The following KHSRP variants were observed in gnomAD, a reference collection of about 807,000 sequenced individuals.
KHSRP encodes far upstream element-binding protein 2.
In KHSRP, 13 loss-of-function variants were observed where a neutral mutation model predicts 94.9. That is an observed-to-expected ratio of 0.14 (90% confidence interval 0.09 to 0.22). The LOEUF (loss-of-function observed/expected upper bound fraction) is 0.22. KHSRP is among the 10% of genes least tolerant of loss of function. KHSRP has a pLI of 1.00. For synonymous variants in KHSRP, 495 were observed against 401.4 expected (o/e 1.23, Z -2.79); for missense variants, 710 against 1,010.0 (o/e 0.70, Z 4.03).
In KHSRP at chr19:6,421,681, C is replaced by T. The variant is rs369390237; in HGVS notation, c.354G>A (p.Pro118=). ...CCTGGGAAGCCAGCTTCTTGCTCTCCGGTTGATCTGGGAAAGAGAGAGGAT... is the reference window on the plus strand; with the variant it reads ...CCTGGGAAGCCAGCTTCTTGCTCTCTGGTTGATCTGGGAAAGAGAGAGGAT... ...QKRQLEDGDQ[P]ESKKLASQGD... is the part of the protein sequence containing the mutation. The change falls in exon 3 of 19, where the codon CCG becomes CCA. Residue 118 remains proline, a synonymous_variant. Coordinates refer to ENST00000600480, the MANE Select transcript of KHSRP (RefSeq NM_001366299.1). 1.7e-5 allele frequency: 28 copies of T among 1,613,782 alleles called. 1 individual carries two copies. The highest frequency in any genetic ancestry group is 1.6e-4 in the Middle Eastern group (1 of 6,084).
intron 1 of KHSRP, among the ~76,000 whole-genome samples, chr19:6,423,059 C>G (rs1037282159): frequency 1.3e-5 from 2 of 152,204 alleles, no homozygotes; most frequent in African/African-American, 4.8e-5. Context: ...GCGGGCAGAT[C>G]ACTTGAACTC....
In KHSRP at chr19:6,418,029, G is replaced by A. The variant is rs1157293560; in HGVS notation, c.930C>T (p.Gly310=). The A allele has an allele frequency of 6.2e-7, 1 of 1,613,980 alleles. No individual in the cohort carries two copies. Among genetic ancestry groups the A allele is most frequent in the Admixed American group, 1.7e-5 (1 of 60,016 alleles). The change falls in exon 10 of 19, where the codon GGC becomes GGT. Residue 310 remains glycine (G), a synonymous_variant. Coordinates refer to ENST00000600480, the MANE Select transcript of KHSRP (RefSeq NM_001366299.1). The surrounding 1 kb of genome is among the most constrained non-coding windows in gnomAD (Gnocchi z 4.3). ...ATCCGTACTCATTCCGGTCCCCAAA[G>A]CCGCCTTGGTCACGTTCCCGGAGGA... ...MDILRERDQG[G]FGDRNEYGSR...
chr19:6,419,099 T>C (rs2092177639), intron 7 of KHSRP, 104 bp downstream of exon 7: 1 of 1,222,388 alleles, frequency 8.2e-7, no homozygotes, highest in Non-Finnish European at 1.2e-6. Flanking sequence ...GGGGCAAGAA[T>C]GGAGGACATG....
chr19:6,423,140 G>A (rs1313042016), intron 1 of KHSRP, among the ~76,000 whole-genome samples: 1 of 152,176 alleles, frequency 6.6e-6, no homozygotes, highest in African/African-American at 2.4e-5. Context: ...TTAGCTGGGT[G>A]TGGTGGTGCA....
chr19:6,418,835 C>G lies in KHSRP; in HGVS notation c.647G>C (p.Arg216Pro). 2 of 1,558,784 alleles carry G rather than the reference C, an allele frequency of 1.3e-6. No individual in the cohort carries two copies. Among genetic ancestry groups the G allele is most frequent in the Non-Finnish European group, 1.7e-6 (2 of 1,158,184 alleles). The stretch of plus-strand genomic sequence containing the variant: ...GTGGAACTGTCCTGGGGGGCCCCCA[C>G]GACCCCGAGACACAATGTCATCCAG... The part of the protein sequence containing the change: ...MMLDDIVSRG[R>P]GGPPGQFHDN... The change falls in exon 8 of 19, where the codon CGT (arginine) becomes CCT (proline). Residue 216 changes from arginine (R) to proline (P), a missense_variant. This residue lies in a region of KHSRP where 288 missense variants were observed against 501.1 expected (regional missense o/e 0.57). Transcript: ENST00000600480. This position sits in a 1 kb window ranked among gnomAD's most constrained non-coding sequence, Gnocchi z 4.3.
At position 6,420,672 on chromosome 19, in the gene KHSRP, G is replaced by T. The variant is rs143508822; in HGVS notation, c.426-201C>A. Among the ~76,000 whole-genome samples, 967 of 152,366 alleles carry T rather than the reference G, an allele frequency of 6.3e-3. 46 individuals carry two copies. The highest frequency in any genetic ancestry group is 0.056 in the Admixed American group (861 of 15,304). On this transcript the variant is annotated intron_variant, in intron 4 of 18. Transcript: ENST00000600480. ...GCATTGTGGGCCTTGGCCTGGTGCC[G>T]TCCCATTGATTCAGGGCGAGAGGGA...
In KHSRP at chr19:6,424,317, G is replaced by A. The variant is rs937523917; in HGVS notation, c.249+136C>T. Reference sequence around the variant, plus strand: ...GGCGCAGCGGGAGGGCCAGGCCCCCGCCTACCGCCCACGTGACCCCGCGAC... The same window carrying A: ...GGCGCAGCGGGAGGGCCAGGCCCCCACCTACCGCCCACGTGACCCCGCGAC... On this transcript the variant is annotated intron_variant, in intron 1 of 18. Coordinates refer to ENST00000600480, the MANE Select transcript of KHSRP (RefSeq NM_001366299.1). 7 of 232,646 alleles carry A rather than the reference G, an allele frequency of 3.0e-5. No individual in the cohort carries two copies. In the East Asian group the frequency reaches 1.3e-3, roughly 44 times the overall value. The allele number at this position is 232,646 out of a possible 1,614,324, so 14.4% of individuals were successfully genotyped here.
Position 6,414,895 on chromosome 19 carries a change from G to A in KHSRP, c.*129C>T, listed in dbSNP as rs2092131390. On this transcript the variant is annotated 3_prime_UTR_variant, in exon 19 of 19. Transcript: ENST00000600480. ...CTCAGCGCTCCCCAGCATCACGACA[G>A]CGGCACACAGGAACAAGCAGCCGGC... The A allele has an allele frequency of 5.1e-6, 7 of 1,377,454 alleles. No individual in the cohort carries two copies. The highest frequency in any genetic ancestry group is 6.5e-6 in the Non-Finnish European group (7 of 1,069,942). The allele number at this position is 1,377,454 out of a possible 1,614,324, so 85.3% of individuals were successfully genotyped here. A position where few individuals can be genotyped will look rare whatever the true frequency, so the allele number is the denominator to read the frequency against.
At position 6,421,245 on chromosome 19, in the gene KHSRP, C is replaced by T. The variant is rs532676671; in HGVS notation, c.425+33G>A. ...AAAGGCCAGTCTGCTGGCCAACAGA[C>T]AAGAAAGCAGTGTGGGCCCCACCAT... On this transcript the variant is annotated intron_variant, in intron 4 of 18. Coordinates refer to ENST00000600480, the MANE Select transcript of KHSRP (RefSeq NM_001366299.1). 8.9e-6 allele frequency: 14 copies of T among 1,568,338 alleles called. No individual in the cohort carries two copies. The South Asian group carries it at 1.5e-4, about 17-fold the overall frequency.
rs1040633552 is a variant in KHSRP at position 6,414,835 on chromosome 19, G to A, written c.*189C>T. ...CGTCCGCGCTGTCTGCCTGCCCCCC[G>A]ACTCCCCAGCAGTTCAGAAGTCCCG... On this transcript the variant is annotated 3_prime_UTR_variant, in exon 19 of 19. Coordinates refer to ENST00000600480, the MANE Select transcript of KHSRP (RefSeq NM_001366299.1). 6.6e-5 allele frequency: 82 copies of A among 1,235,868 alleles called. No homozygotes were observed. The highest frequency in any genetic ancestry group is 5.4e-4 in the African/African-American group (35 of 64,320). 76.6% of individuals were successfully genotyped at this position (1,235,868 alleles called of 1,614,324 possible).
rs1469891074 is a variant in KHSRP, at chr19:6,414,557, C to T, written c.*467G>A. 2.9e-6 allele frequency: 3 copies of T among 1,023,124 alleles called. No individual in the cohort carries two copies. Among genetic ancestry groups the T allele is most frequent in the Middle Eastern group, 4.8e-4 (1 of 2,078 alleles). The allele number at this position is 1,023,124 out of a possible 1,614,324, so 63.4% of individuals were successfully genotyped here. On this transcript the variant is annotated 3_prime_UTR_variant, in exon 19 of 19. Coordinates refer to ENST00000600480, the MANE Select transcript of KHSRP (RefSeq NM_001366299.1). The stretch of plus-strand genomic sequence containing the variant: ...GACAAGCCCGGGACACAGGCAAGCG[C>T]GAGCGCATGGGAGGCTGAGCCCGGC...
Position 6,415,651 on chromosome 19 carries a change from C to T in KHSRP, c.1771G>A (p.Val591Ile), listed in dbSNP as rs764470845. The T allele has an allele frequency of 4.4e-5, 68 of 1,537,704 alleles. No homozygotes were observed. Among genetic ancestry groups the T allele is most frequent in the South Asian group, 1.3e-4 (11 of 82,974 alleles). Residue 591 changes from valine to isoleucine, a missense_variant, in exon 17 of 19, where the codon GTC becomes ATC. By Grantham distance (29) the Val-to-Ile change is conservative (BLOSUM62 3). Transcript: ENST00000600480. ...GCAGGGGCCGGTGCGGGGCCGGGGA[C>T]GGGGCCCGGGGGCTGCTGGTAGTAG... ...SHYYQQPPGP[V>I]PGPAPAPAAP...
Position 6,414,335 on chromosome 19 carries a change from G to C in KHSRP, c.*689C>G. 7.1e-7 allele frequency: 1 copy of C among 1,402,438 alleles called. No individual in the cohort carries two copies. The highest frequency in any genetic ancestry group is 9.3e-7 in the Non-Finnish European group (1 of 1,073,640). The allele number at this position is 1,402,438 out of a possible 1,614,324, so 86.9% of individuals were successfully genotyped here. On this transcript the variant is annotated 3_prime_UTR_variant, in exon 19 of 19. Transcript: ENST00000600480. Reference sequence around the variant, plus strand: ...GTCACGCTGCTCCCTGATGGAGAAGGAGGGACAGAGCAGGAAGAGAGGAGA... The same window carrying C: ...GTCACGCTGCTCCCTGATGGAGAAGCAGGGACAGAGCAGGAAGAGAGGAGA...
intron 3 of KHSRP, 107 bp from the exon 4 acceptor site, chr19:6,421,424 C>A: frequency 1.6e-6 from 2 of 1,213,942 alleles, no homozygotes; most frequent in South Asian, 1.4e-5. Context: ...CGGTCCCCAG[C>A]CTGCTCCAGT....
chr19:6,414,209 C>T lies in KHSRP; in HGVS notation c.*815G>A, dbSNP rs748698842. On this transcript the variant is annotated 3_prime_UTR_variant, in exon 19 of 19. Coordinates refer to ENST00000600480, the MANE Select transcript of KHSRP (RefSeq NM_001366299.1). ...CGGAAGAGAGGAGGGGCTGGAACAC[C>T]GTGGGGGGGGCCAGGAAGCCCCCTC... The T allele has an allele frequency of 4.8e-5, 71 of 1,464,512 alleles. No individual in the cohort carries two copies. The highest frequency in any genetic ancestry group is 1.8e-4 in the Middle Eastern group (1 of 5,494). 90.7% of individuals were successfully genotyped at this position (1,464,512 alleles called of 1,614,324 possible).
intron 1 of KHSRP, chr19:6,424,112 C>G (rs1248740371): frequency 6.6e-6 from 1 of 152,178 alleles, no homozygotes; most frequent in Non-Finnish European, 1.5e-5. Flanking sequence ...AGTAAAGGCC[C>G]TCCGCCCGGG....
chr19:6,415,348 C>T, intron 18 of KHSRP, 32 bp downstream of exon 18: 1 of 1,612,544 alleles, frequency 6.2e-7, no homozygotes, highest in Non-Finnish European at 8.5e-7. Flanking sequence ...GAGGGCTGCC[C>T]CTGCCCCTGT....
intron 15 of KHSRP, 60 bp downstream of exon 15, chr19:6,416,238 T>G: frequency 7.3e-7 from 1 of 1,370,638 alleles, no homozygotes; most frequent in South Asian, 1.3e-5. Context: ...GGGTCTGCTA[T>G]TCTTCTTGCC....
In KHSRP at chr19:6,415,107, A is replaced by G. The variant is rs774227752; in HGVS notation, c.2161T>C (p.Phe721Leu). 88 of 1,595,916 alleles carry G rather than the reference A, an allele frequency of 5.5e-5. No individual in the cohort carries two copies. Among genetic ancestry groups the G allele is most frequent in the Admixed American group, 1.0e-4 (6 of 58,968 alleles). The change falls in exon 19 of 19, where the codon TTC becomes CTC. Residue 721 changes from phenylalanine (F) to leucine (L), a missense_variant. Phe to Leu is a conservative substitution (Grantham distance 22, BLOSUM62 0). This residue lies in a region of KHSRP where 292 missense variants were observed against 340.5 expected (regional missense o/e 0.86). Transcript: ENST00000600480. ...ACGGTGGCCGGGGGTTGGAAGGAGA[A>G]AGGAGGAGGAGGAGGGTGGCAATTC... ...SGNCHPPPPP[F>L]SFQPPATVHP...
Sources: gnomAD v4.1 joint callset for allele counts (sites outside exome capture counted in the v4.1 genomes callset) on GRCh38, gnomAD v4.1.1 for gene constraint, gnomAD v4.1.1 regional missense constraint, Gnocchi (gnomAD v3.1) non-coding constraint, MANE v1.5 for transcripts, NCBI Gene and HGNC (gene_info 2026-07-23, HGNC 2026-07-21) for gene names.